Variants in KMT2B observed in about 807,000 individuals in gnomAD.
The protein encoded by KMT2B is lysine methyltransferase 2B.
A neutral mutation model predicts 255.3 loss-of-function variants in KMT2B; 22 were observed. The observed-to-expected ratio is 0.09, with a 90% CI of 0.06 to 0.12. The LOEUF (loss-of-function observed/expected upper bound fraction) is 0.12, where lower values mean the gene tolerates loss of function less well. Among genes scored for constraint, KMT2B ranks in the 10% least tolerant of loss-of-function variants. The pLI, the probability that KMT2B is intolerant of heterozygous loss-of-function variation, is 1.00. For synonymous variants in KMT2B, 1,730 were observed against 1,498.1 expected, an observed-to-expected ratio of 1.15 and a Z score of -3.57; for missense variants, 3,149 against 3,737.0, an observed-to-expected ratio of 0.84 and a Z score of 4.10.
At position 35,718,009 on chromosome 19, in the gene KMT2B, C is replaced by T. The variant is rs1164472202; in HGVS notation, c.-10C>T. ...CCCCCCGCCTCCCCGGCCCCTCTCACGGTGCCAAGATGGCGGCGGCGGCGG... is the reference window on the plus strand; with the variant it reads ...CCCCCCGCCTCCCCGGCCCCTCTCATGGTGCCAAGATGGCGGCGGCGGCGG... On this transcript the variant is annotated 5_prime_UTR_variant, in exon 1 of 37. The change creates a new upstream start codon in the 5' untranslated region. Coordinates refer to ENST00000420124, the MANE Select transcript of KMT2B (RefSeq NM_014727.3). The surrounding 1 kb of genome is among the most constrained non-coding windows in gnomAD (Gnocchi z 5.0). 14 of 985,558 alleles carry T rather than the reference C, an allele frequency of 1.4e-5. No individual in the cohort carries two copies. In the East Asian group the frequency reaches 5.6e-4, roughly 39 times the overall value. The allele number at this position is 985,558 out of a possible 1,614,324, so 61.1% of individuals were successfully genotyped here.
In KMT2B at chr19:35,727,735, G is replaced by A. The variant is rs756113144; in HGVS notation, c.4340G>A (p.Cys1447Tyr). The A allele has an allele frequency of 6.2e-7, 1 of 1,613,870 alleles. No homozygotes were observed. Among genetic ancestry groups the A allele is most frequent in the Non-Finnish European group, 8.5e-7 (1 of 1,179,894 alleles). Residue 1447 changes from cysteine to tyrosine, a missense_variant, in exon 17 of 37, where the codon TGC (cysteine) becomes TAC (tyrosine). Transcript: ENST00000420124. This position sits in a 1 kb window ranked among gnomAD's most constrained non-coding sequence, Gnocchi z 4.2. ...GGGAAGCAACTGCACCCAGGACCCTGCGGCCTGCAAGCTGTGAGTCAGCGC... is the reference window on the plus strand; with the variant it reads ...GGGAAGCAACTGCACCCAGGACCCTACGGCCTGCAAGCTGTGAGTCAGCGC... ...PDGKQLHPGP[C>Y]GLQAVSQRFE...
In KMT2B at chr19:35,718,132, C is replaced by T; in HGVS notation, c.114C>T (p.Asn38=). 1.5e-5 allele frequency: 15 copies of T among 1,027,502 alleles called. No homozygotes were observed. The highest frequency in any genetic ancestry group is 1.5e-5 in the Non-Finnish European group (13 of 859,074). The allele number at this position is 1,027,502 out of a possible 1,614,324, so 63.6% of individuals were successfully genotyped here. A position where few individuals can be genotyped will look rare whatever the true frequency, so the allele number is the denominator to read the frequency against. Residue 38 remains asparagine, a synonymous_variant, in exon 1 of 37, where the codon AAC becomes AAT. Coordinates refer to ENST00000420124, the MANE Select transcript of KMT2B (RefSeq NM_014727.3). The surrounding 1 kb of genome is among the most constrained non-coding windows in gnomAD (Gnocchi z 5.0). ...GGGGGRGGRG[N]GAERVRVALR... is the part of the protein sequence containing the mutation. ...GCGGGGGCCGCGGCGGACGGGGCAA[C>T]GGGGCCGAAAGAGTGCGGGTAGCTC...
intron 19 of KMT2B, 94 bp from the exon 20 acceptor site, chr19:35,728,680 C>A: frequency 1.2e-6 from 1 of 838,842 alleles, no homozygotes; most frequent in Non-Finnish European, 2.0e-6. Flanking sequence ...GAGGGAGTAG[C>A]GGGTGTCATG....
At chr19:35,736,456 G>A (rs1969920934) in intron 30 of KMT2B, 1 of 553,632 alleles carries the variant, frequency 1.8e-6, no homozygotes, top group Non-Finnish European at 3.2e-6. Context: ...TCTGTGGAAT[G>A]CTTTTGTACC....
chr19:35,725,009 C>T lies in KMT2B; in HGVS notation c.3450C>T (p.Pro1150=), dbSNP rs932454613. ...CCCAGGATGCTTTGGCCCCTGGCCC[C>T]TTTGCTTCTTTTCCCAATGGCTGGA... The part of the protein sequence containing the change: ...RLDKDALAPG[P]FASFPNGWTG... The change falls in exon 10 of 37, where the codon CCC becomes CCT. Residue 1150 remains proline, a synonymous_variant. Transcript: ENST00000420124. The surrounding 1 kb of genome is among the most constrained non-coding windows in gnomAD (Gnocchi z 4.1). 5.6e-6 allele frequency: 9 copies of T among 1,613,336 alleles called. No individual in the cohort carries two copies. The highest frequency in any genetic ancestry group is 5.9e-6 in the Non-Finnish European group (7 of 1,179,430).
rs553646306 is a variant in KMT2B, at chr19:35,737,432, G to T, written c.7550+169G>T. On this transcript the variant is annotated intron_variant, in intron 33 of 36. Coordinates refer to ENST00000420124, the MANE Select transcript of KMT2B (RefSeq NM_014727.3). The surrounding 1 kb of genome is among the most constrained non-coding windows in gnomAD (Gnocchi z 5.3). ...CTCCGTGGCTCATGCCTGTAATCCC[G>T]CCACTTTGGGAGGCCGAGGCAGGAG... is the stretch of plus-strand genomic sequence containing the variant. 3 of 868,296 alleles carry T rather than the reference G, an allele frequency of 3.5e-6. No homozygotes were observed. The highest frequency in any genetic ancestry group is 3.7e-5 in the South Asian group (2 of 53,636). The allele number at this position is 868,296 out of a possible 1,614,324, so 53.8% of individuals were successfully genotyped here.
At chr19:35,728,942 C>A (rs763211064) in intron 20 of KMT2B, 43 bp from the exon 21 acceptor site, 2 of 1,612,540 alleles carry the variant, frequency 1.2e-6, no homozygotes, top group South Asian at 2.2e-5. Flanking sequence ...TGGCCTGGCT[C>A]CGGGTCCTGA....
chr19:35,736,439 C>G, intron 30 of KMT2B: 1 of 518,034 alleles, frequency 1.9e-6, no homozygotes, highest in Non-Finnish European at 3.5e-6. Flanking sequence ...CCAAAAGGCC[C>G]CAAGCCTCTG....
rs757655802 is a variant in KMT2B, at chr19:35,738,225, T to C, written c.7872+34T>C. 6.2e-6 allele frequency: 10 copies of C among 1,613,270 alleles called. No individual in the cohort carries two copies. In the East Asian group the frequency reaches 2.0e-4, roughly 32 times the overall value. On this transcript the variant is annotated intron_variant, in intron 36 of 36. Transcript: ENST00000420124. The surrounding 1 kb of genome is among the most constrained non-coding windows in gnomAD (Gnocchi z 8.7). ...CCAGTGGCTGTGGGAAGACAGTGGGTGAAGCGAGCCTGTCCGCGGGGACAG... is the reference window on the plus strand; with the variant it reads ...CCAGTGGCTGTGGGAAGACAGTGGGCGAAGCGAGCCTGTCCGCGGGGACAG...
In KMT2B at chr19:35,721,215, CAGCCCCTCCACCTCCCCCGG is replaced by C; in HGVS notation, c.1869_1888del (p.Ala624ProfsTer45). On this transcript the variant is annotated frameshift_variant, in exon 3 of 37. Coordinates refer to ENST00000420124, the MANE Select transcript of KMT2B (RefSeq NM_014727.3). LOFTEE classifies it high-confidence loss of function. ...ACCCGGGAGCTGCCCCCTCCTCCCC[CAGCCCCTCCACCTCCCCCGG>C]CCCCCTCCCCACCCCCTGCTCCTGC... 6 of 1,499,020 alleles carry C rather than the reference CAGCCCCTCCACCTCCCCCGG, an allele frequency of 4.0e-6. No homozygotes were observed. Among genetic ancestry groups the C allele is most frequent in the Non-Finnish European group, 4.5e-6 (5 of 1,113,816 alleles). 92.9% of individuals were successfully genotyped at this position (1,499,020 alleles called of 1,614,324 possible).
Position 35,725,710 on chromosome 19 carries a change from C to G in KMT2B, c.3790-13C>G, listed in dbSNP as rs1427815682. 1 of 1,612,580 alleles carries G rather than the reference C, an allele frequency of 6.2e-7. No individual in the cohort carries two copies. Among genetic ancestry groups the G allele is most frequent in the Non-Finnish European group, 8.5e-7 (1 of 1,179,364 alleles). On this transcript the variant is annotated splice_polypyrimidine_tract_variant and intron_variant, in intron 12 of 36. Transcript: ENST00000420124. This position sits in a 1 kb window ranked among gnomAD's most constrained non-coding sequence, Gnocchi z 4.1. Reference sequence around the variant, plus strand: ...CCAGCAGGTTTCGCCATCTCTGTCTCCACATCCAACAGCACCTCCTGGAGT... The same window carrying G: ...CCAGCAGGTTTCGCCATCTCTGTCTGCACATCCAACAGCACCTCCTGGAGT...
Position 35,723,799 on chromosome 19 carries a change from T to G in KMT2B, c.3126T>G (p.Pro1042=). ...SDESPEASPG[P]PGPRRGAGAG... The stretch of plus-strand genomic sequence containing the variant: ...AATCTCCTGAGGCCTCCCCTGGTCC[T>G]CCAGGCCCACGCCGGGGGGCGGGAG... The change falls in exon 8 of 37, where the codon CCT becomes CCG. Residue 1042 remains proline, a synonymous_variant. Transcript: ENST00000420124. The surrounding 1 kb of genome is among the most constrained non-coding windows in gnomAD (Gnocchi z 7.5). 6.3e-7 allele frequency: 1 copy of G among 1,592,698 alleles called. No individual in the cohort carries two copies. The highest frequency in any genetic ancestry group is 8.6e-7 in the Non-Finnish European group (1 of 1,168,640).
chr19:35,734,169 A>G (rs1242788262), intron 30 of KMT2B, among the ~76,000 whole-genome samples: 1 of 152,002 alleles, frequency 6.6e-6, no homozygotes, highest in Non-Finnish European at 1.5e-5. Context: ...AGAGCTTCCT[A>G]GAGTAGCCAA....
At position 35,732,686 on chromosome 19, in the gene KMT2B, G is replaced by T. The variant is rs1298103821; in HGVS notation, c.6137G>T (p.Gly2046Val). The change falls in exon 28 of 37, where the codon GGT becomes GTT. Residue 2046 changes from glycine to valine, a missense_variant. Around this residue, in one of 18 missense-constraint regions of KMT2B, gnomAD observed 897 missense variants for 825.3 expected, o/e 1.09. Transcript: ENST00000420124. ...CCTGTGACTGTGGTGTCCGCCCCTG[G>T]TCTGGCCCCCAGCGCTACCCCTGGA... ...HFPVTVVSAP[G>V]LAPSATPGAP... 6.2e-7 allele frequency: 1 copy of T among 1,609,204 alleles called. No individual in the cohort carries two copies. Among genetic ancestry groups the T allele is most frequent in the Admixed American group, 1.7e-5 (1 of 59,370 alleles).
At position 35,720,043 on chromosome 19, in the gene KMT2B, G is replaced by A. The variant is rs1402320876; in HGVS notation, c.696G>A (p.Arg232=). The A allele has an allele frequency of 1.2e-6, 2 of 1,611,684 alleles. No homozygotes were observed. The highest frequency in any genetic ancestry group is 1.7e-6 in the Non-Finnish European group (2 of 1,179,010). The stretch of plus-strand genomic sequence containing the variant: ...CAGGACGGCCAGCAGGCCCCTGCAG[G>A]AGGAAGCAGCAAGCAGTAGTGGTGG... The part of the protein sequence containing the change: ...RPPGRPAGPC[R]RKQQAVVVAE... The change falls in exon 3 of 37, where the codon AGG becomes AGA. Residue 232 remains arginine, a synonymous_variant. Transcript: ENST00000420124.
In KMT2B at chr19:35,738,254, A is replaced by G. The variant is rs764125163; in HGVS notation, c.7873-28A>G. 3 of 1,612,966 alleles carry G rather than the reference A, an allele frequency of 1.9e-6. No individual in the cohort carries two copies. Among genetic ancestry groups the G allele is most frequent in the Admixed American group, 3.3e-5 (2 of 59,986 alleles). The stretch of plus-strand genomic sequence containing the variant: ...GCGAGCCTGTCCGCGGGGACAGAGC[A>G]CCTGATCTCCCCACCTCATCCCTGC... On this transcript the variant is annotated intron_variant, in intron 36 of 36. Coordinates refer to ENST00000420124, the MANE Select transcript of KMT2B (RefSeq NM_014727.3). The surrounding 1 kb of genome is among the most constrained non-coding windows in gnomAD (Gnocchi z 8.7).
rs927230230 is a variant in KMT2B, at chr19:35,725,923, C to T, written c.3885+105C>T. 8 of 938,380 alleles carry T rather than the reference C, an allele frequency of 8.5e-6. No individual in the cohort carries two copies. Among genetic ancestry groups the T allele is most frequent in the South Asian group, 2.9e-5 (2 of 68,972 alleles). The allele number at this position is 938,380 out of a possible 1,614,324, so 58.1% of individuals were successfully genotyped here. A position where few individuals can be genotyped will look rare whatever the true frequency, so the allele number is the denominator to read the frequency against. ...CTCAGGAGGAGCAGAGGTTGGGGAT[C>T]CTCTTAAGAATTGATTAGTAATGTT... On this transcript the variant is annotated intron_variant, in intron 13 of 36. Transcript: ENST00000420124. The surrounding 1 kb of genome is among the most constrained non-coding windows in gnomAD (Gnocchi z 4.1).
At chr19:35,729,918 G>GCCCAGC in intron 22 of KMT2B, 49 bp from the exon 23 acceptor site, 1 of 1,569,932 alleles carries the variant, frequency 6.4e-7, no homozygotes, top group South Asian at 1.1e-5. Context: ...GGTGCCTGGC[G>GCCCAGC]CCCAGCCCCA....
chr19:35,725,008 C>G lies in KMT2B; in HGVS notation c.3449C>G (p.Pro1150Arg), dbSNP rs2146449248. The G allele has an allele frequency of 3.1e-6, 5 of 1,613,464 alleles. No homozygotes were observed. In the South Asian group the frequency reaches 5.5e-5, roughly 18 times the overall value. The change falls in exon 10 of 37, where the codon CCC (proline) becomes CGC (arginine). Residue 1150 changes from proline (P) to arginine (R), a missense_variant. Physicochemically the swap from Pro to Arg is moderately radical, Grantham distance 103 (BLOSUM62 -2). Coordinates refer to ENST00000420124, the MANE Select transcript of KMT2B (RefSeq NM_014727.3). This position sits in a 1 kb window ranked among gnomAD's most constrained non-coding sequence, Gnocchi z 4.1. ...CCCCAGGATGCTTTGGCCCCTGGCCCCTTTGCTTCTTTTCCCAATGGCTGG... is the reference window on the plus strand; with the variant it reads ...CCCCAGGATGCTTTGGCCCCTGGCCGCTTTGCTTCTTTTCCCAATGGCTGG... The part of the protein sequence containing the change: ...RLDKDALAPG[P>R]FASFPNGWTG...
Sources: allele counts gnomAD v4.1 joint callset (sites outside exome capture counted in the v4.1 genomes callset), GRCh38; gene constraint gnomAD v4.1.1; regional missense constraint gnomAD v4.1.1; non-coding constraint Gnocchi (gnomAD v3.1); transcripts MANE v1.5; gene names NCBI Gene and HGNC (gene_info 2026-07-23, HGNC 2026-07-21).